C4orf36: variants seen among roughly 807,000 people sequenced by gnomAD.
The protein encoded by C4orf36 is chromosome 4 open reading frame 36, also known as uncharacterized protein C4orf36.
A neutral mutation model predicts 12.2 loss-of-function variants in C4orf36; 11 were observed. The ratio of observed to expected loss-of-function variants is 0.90; its 90% CI spans 0.57 to 1.49. The LOEUF is 1.49. Ranked by LOEUF, C4orf36 falls within the 40% of genes most tolerant of loss-of-function variation. The probability of loss-of-function intolerance (pLI) is 0.00; values close to 1 mark genes in which losing one functional copy is unlikely to be tolerated. For synonymous variants in C4orf36, 54 were observed against 51.3 expected, an observed-to-expected ratio of 1.05 and a Z score of -0.22; for missense variants, 137 against 133.9, an observed-to-expected ratio of 1.02 and a Z score of -0.11.
rs1444686579 is a variant in C4orf36 at position 86,884,298 on chromosome 4, AATTT to A, written c.*2+3456_*2+3459del. ...AAATTAGGCAGAAGGAAAAAGACTGAATTTTTTTTTTTTTTTTTTTTTTTGAGAC... is the reference window on the plus strand; with the variant it reads ...AAATTAGGCAGAAGGAAAAAGACTGATTTTTTTTTTTTTTTTTTTTGAGAC... On this transcript the variant is annotated intron_variant, in intron 4 of 4. Coordinates refer to ENST00000295898, the MANE Select transcript of C4orf36 (RefSeq NM_144645.4). Among the ~76,000 whole-genome samples, 234 of 125,252 alleles carry A rather than the reference AATTT, an allele frequency of 1.9e-3. 10 individuals are homozygous for A. The highest frequency in any genetic ancestry group is 5.9e-3 in the East Asian group (25 of 4,238). The allele number at this position is 125,252 out of a possible 152,430, so 82.2% of individuals were successfully genotyped here. A position where few individuals can be genotyped will look rare whatever the true frequency, so the allele number is the denominator to read the frequency against.
chr4:86,894,385 A>G (rs1747546570), upstream of C4orf36, among the ~76,000 whole-genome samples: 1 of 152,208 alleles, frequency 6.6e-6, no homozygotes, highest in African/African-American at 2.4e-5. Flanking sequence ...CAATGGGTCT[A>G]AAAAATTTGA....
the C4orf36 span, chr4:86,913,618 C>A: frequency 2.8e-6 from 4 of 1,454,444 alleles, no homozygotes; most frequent in Non-Finnish European, 3.8e-6. Context: ...TTAGGAGCAG[C>A]AGGAACTCTG....
At chr4:86,886,974 G>T (rs1245375419) in intron 4 of C4orf36, 1 of 152,218 alleles carries the variant, frequency 6.6e-6, no homozygotes, top group African/African-American at 2.4e-5. Context: ...GGACATGGGT[G>T]AAGCTGGAAA....
At chr4:86,931,194 T>A in the C4orf36 span, among the ~76,000 whole-genome samples, 1 of 152,280 alleles carries the variant, frequency 6.6e-6, no homozygotes, top group East Asian at 1.9e-4. Flanking sequence ...CTATTTCATA[T>A]CACTGCCCCC....
At chr4:86,913,531 C>T in the C4orf36 span, 2 of 898,960 alleles carry the variant, frequency 2.2e-6, no homozygotes, top group Non-Finnish European at 3.7e-6. Flanking sequence ...GTCAGGCAGC[C>T]TCGGTCATCG....
the C4orf36 span, among the ~76,000 whole-genome samples, chr4:86,921,147 A>G: frequency 1.3e-5 from 2 of 152,000 alleles, no homozygotes; most frequent in Admixed American, 1.3e-4. Flanking sequence ...CCTAGGCAAC[A>G]AGAGTGAAAC....
the C4orf36 span, among the ~76,000 whole-genome samples, chr4:86,903,108 A>T: frequency 1.3e-5 from 2 of 152,226 alleles, no homozygotes; most frequent in African/African-American, 4.8e-5. Context: ...ATGTTTATGC[A>T]TCTTTCCTTG....
intron 4 of C4orf36, among the ~76,000 whole-genome samples, chr4:86,879,059 A>T (rs76340217): frequency 6.8e-6 from 1 of 147,022 alleles, no homozygotes; most frequent in Non-Finnish European, 1.5e-5. Context: ...GCTGTTTTTT[A>T]TTTGGTTTGG....
chr4:86,913,952 G>A, the C4orf36 span: 1 of 1,507,978 alleles, frequency 6.6e-7, no homozygotes, highest in Non-Finnish European at 9.2e-7. Context: ...AGCCTCCCGA[G>A]TAGCTGTCAT....
the C4orf36 span, among the ~76,000 whole-genome samples, chr4:86,905,404 T>C: frequency 6.9e-6 from 1 of 143,952 alleles, no homozygotes; most frequent in Non-Finnish European, 1.6e-5. Context: ...ATAAATAAAA[T>C]AGCCAGATGT....
the C4orf36 span, among the ~76,000 whole-genome samples, chr4:86,928,892 T>A: frequency 3.9e-5 from 6 of 152,146 alleles, 1 homozygote; most frequent in Non-Finnish European, 1.5e-5. Flanking sequence ...CTTTCAAAAA[T>A]TTTTTTTCTT....
chr4:86,913,364 CATAA>C, the C4orf36 span: 2 of 824,088 alleles, frequency 2.4e-6, no homozygotes, highest in East Asian at 3.1e-5. Context: ...TTGCCCACCT[CATAA>C]ATAGAGACTT....
chr4:86,902,901 A>C, the C4orf36 span, among the ~76,000 whole-genome samples: 3 of 152,156 alleles, frequency 2.0e-5, no homozygotes, highest in East Asian at 1.9e-4. Flanking sequence ...CCTGTATGCC[A>C]AACAGTGTAA....
the C4orf36 span, among the ~76,000 whole-genome samples, chr4:86,911,638 C>T: frequency 6.6e-6 from 1 of 152,184 alleles, no homozygotes; most frequent in African/African-American, 2.4e-5. Context: ...GTGCTCACAA[C>T]ATGCCAGATA....
At chr4:86,903,784 T>C in the C4orf36 span, among the ~76,000 whole-genome samples, 3 of 152,184 alleles carry the variant, frequency 2.0e-5, no homozygotes, top group Non-Finnish European at 1.5e-5. Context: ...AGAGAGCTGA[T>C]GGGTCCGTTT....
At chr4:86,924,389 T>C in the C4orf36 span, among the ~76,000 whole-genome samples, 2 of 152,196 alleles carry the variant, frequency 1.3e-5, no homozygotes, top group African/African-American at 2.4e-5. Flanking sequence ...TTAGTACAGA[T>C]GGGGTTTCAC....
At chr4:86,910,988 C>A in the C4orf36 span, among the ~76,000 whole-genome samples, 1 of 151,868 alleles carries the variant, frequency 6.6e-6, no homozygotes, top group African/African-American at 2.4e-5. Context: ...GGGGCTGAGG[C>A]AGGAGGATTG....
At chr4:86,917,212 C>T in the C4orf36 span, among the ~76,000 whole-genome samples, 5 of 151,928 alleles carry the variant, frequency 3.3e-5, no homozygotes, top group Non-Finnish European at 5.9e-5. Flanking sequence ...CCCAGGAATT[C>T]GAGGCTGCAG....
chr4:86,902,688 G>A, the C4orf36 span, among the ~76,000 whole-genome samples: 1 of 152,014 alleles, frequency 6.6e-6, no homozygotes, highest in East Asian at 1.9e-4. Flanking sequence ...GCCCACCTCC[G>A]TCAAGGCTTT....
Sources: allele counts gnomAD v4.1 joint callset (sites outside exome capture counted in the v4.1 genomes callset), GRCh38; gene constraint gnomAD v4.1.1; transcripts MANE v1.5; gene names NCBI Gene and HGNC (gene_info 2026-07-23, HGNC 2026-07-21).